The following IKZF2 variants were observed in gnomAD, a reference collection of about 807,000 sequenced individuals.
IKZF2 encodes the protein zinc finger protein Helios.
Under a neutral mutation model 49.2 loss-of-function variants are expected in IKZF2, and 15 were observed. The ratio of observed to expected loss-of-function variants is 0.30; its 90% CI spans 0.20 to 0.47. The LOEUF is 0.47. Among genes scored for constraint, IKZF2 ranks in the 20% least tolerant of loss-of-function variants. The probability of loss-of-function intolerance (pLI) is 1.00; values close to 1 mark genes in which losing one functional copy is unlikely to be tolerated. For synonymous variants in IKZF2, 227 were observed against 221.4 expected (o/e 1.03, Z -0.23); for missense variants, 567 against 664.6 (o/e 0.85, Z 1.61).
chr2:213,112,012 G>A (rs2059719459), intron 4 of IKZF2, among the ~76,000 whole-genome samples: 1 of 152,034 alleles, frequency 6.6e-6, no homozygotes, highest in African/African-American at 2.4e-5. Context: ...AGGACAAGAG[G>A]CCAAGCCTTA....
chr2:213,124,250 GCGCACACA>G (rs1388649267), intron 4 of IKZF2, among the ~76,000 whole-genome samples: 1,851 of 93,478 alleles, frequency 0.02, 26 homozygotes, highest in Middle Eastern at 0.03. Context: ...TCGCGCGCGC[GCGCACACA>G]CACACACACA....
intron 6 of IKZF2, among the ~76,000 whole-genome samples, chr2:213,043,454 G>A (rs1475675866): frequency 6.6e-6 from 1 of 151,974 alleles, no homozygotes. Context: ...TTATTACCTG[G>A]AGGAAAAAGG....
Position 213,007,991 on chromosome 2 carries a change from A to G in IKZF2, c.950T>C (p.Met317Thr), listed in dbSNP as rs1026787353. Reference sequence around the variant, plus strand: ...GATTGCATTGTTGATGGCTTGGTCCATCATATGAGACTGCATCAGCTCAGC... The same window carrying G: ...GATTGCATTGTTGATGGCTTGGTCCGTCATATGAGACTGCATCAGCTCAGC... Reference protein sequence around the residue: ...KEAELMQSHMMDQAINNAITY... With the variant: ...KEAELMQSHMTDQAINNAITY... The change falls in exon 9 of 9, where the codon ATG (methionine) becomes ACG (threonine). Residue 317 changes from methionine to threonine, a missense_variant. Transcript: ENST00000434687. 1 of 1,613,388 alleles carries G rather than the reference A, an allele frequency of 6.2e-7. No homozygotes were observed. The highest frequency in any genetic ancestry group is 1.3e-5 in the African/African-American group (1 of 74,862).
chr2:213,112,647 T>C (rs1285518336), intron 4 of IKZF2, among the ~76,000 whole-genome samples: 3 of 152,008 alleles, frequency 2.0e-5, no homozygotes, highest in Non-Finnish European at 2.9e-5. Context: ...TATTCTAACG[T>C]TTTCTATTCC....
chr2:213,102,898 G>T (rs541213550), intron 4 of IKZF2, among the ~76,000 whole-genome samples: 2 of 152,032 alleles, frequency 1.3e-5, no homozygotes, highest in Non-Finnish European at 2.9e-5. Context: ...GCCTTTCATT[G>T]TAAAAAGGTT....
intron 6 of IKZF2, among the ~76,000 whole-genome samples, chr2:213,033,023 G>A (rs1007349558): frequency 7.2e-5 from 11 of 152,098 alleles, no homozygotes; most frequent in African/African-American, 2.7e-4. Context: ...CTACTGCTTT[G>A]TCAACTAAGT....
chr2:213,125,960 G>A (rs1217361010), intron 4 of IKZF2, among the ~76,000 whole-genome samples: 1 of 152,156 alleles, frequency 6.6e-6, no homozygotes, highest in African/African-American at 2.4e-5. Flanking sequence ...ATTATGGAAA[G>A]ATAATTAAGG....
intron 8 of IKZF2, among the ~76,000 whole-genome samples, chr2:213,010,728 G>A (rs754516570): frequency 9.9e-5 from 15 of 152,082 alleles, no homozygotes; most frequent in Non-Finnish European, 1.8e-4. Flanking sequence ...TCTAAGAGAG[G>A]AGCCTAGCTG....
intron 4 of IKZF2, among the ~76,000 whole-genome samples, chr2:213,093,416 C>T (rs1297399260): frequency 6.6e-6 from 1 of 152,122 alleles, no homozygotes; most frequent in African/African-American, 2.4e-5. Context: ...ACAATGGTCT[C>T]TCATACTCTA....
intron 4 of IKZF2, among the ~76,000 whole-genome samples, chr2:213,131,617 C>A (rs1042926030): frequency 6.6e-6 from 1 of 152,096 alleles, no homozygotes; most frequent in African/African-American, 2.4e-5. Flanking sequence ...CCATGTGAAG[C>A]TTTTGAAGTC....
rs185927844 is a variant in IKZF2, at chr2:213,056,257, T to C, written c.406+576A>G. 1.8e-3 allele frequency among the ~76,000 whole-genome samples: 268 copies of C among 152,300 alleles called. 2 individuals are homozygous for C. The highest frequency in any genetic ancestry group is 3.2e-3 in the Non-Finnish European group (218 of 68,026). ...CAACCTACACACCAGCCACTATTTG[T>C]CATATTCAATCCTACATATATCCTT... is the stretch of plus-strand genomic sequence containing the variant. On this transcript the variant is annotated intron_variant, in intron 5 of 8. Coordinates refer to ENST00000434687, the MANE Select transcript of IKZF2 (RefSeq NM_001387220.1).
At chr2:213,046,490 T>C (rs528871951) in intron 6 of IKZF2, among the ~76,000 whole-genome samples, 21 of 152,312 alleles carry the variant, frequency 1.4e-4, no homozygotes, top group Admixed American at 1.2e-3. Flanking sequence ...GCTATGACTA[T>C]GGTGTTTACA....
At chr2:213,124,277 C>T (rs1475703296) in intron 4 of IKZF2, among the ~76,000 whole-genome samples, 1 of 146,682 alleles carries the variant, frequency 6.8e-6, no homozygotes, top group Non-Finnish European at 1.5e-5. Context: ...CACACACACA[C>T]ACACACACAC....
intron 4 of IKZF2, among the ~76,000 whole-genome samples, chr2:213,114,504 A>C (rs1362948193): frequency 6.6e-6 from 1 of 152,186 alleles, no homozygotes; most frequent in African/African-American, 2.4e-5. Context: ...ATGCCTTCCC[A>C]AAATAAAGTG....
intron 4 of IKZF2, among the ~76,000 whole-genome samples, chr2:213,085,009 TTACGCTG>T (rs1443924399): frequency 2.6e-5 from 4 of 152,212 alleles, no homozygotes; most frequent in Non-Finnish European, 5.9e-5. Context: ...GTCACTTCTA[TTACGCTG>T]TACGCTATGA....
At chr2:213,147,394 T>C in intron 4 of IKZF2, 1 of 537,308 alleles carries the variant, frequency 1.9e-6, no homozygotes, top group East Asian at 2.9e-5. Context: ...CCACATTTTT[T>C]ACCCAACAAC....
chr2:213,036,916 T>A (rs558924928), intron 6 of IKZF2, among the ~76,000 whole-genome samples: 1 of 152,048 alleles, frequency 6.6e-6, no homozygotes, highest in Non-Finnish European at 1.5e-5. Flanking sequence ...AAGGTTAGGT[T>A]AGAAAAAAAC....
At chr2:213,094,513 A>AC (rs534990883) in intron 4 of IKZF2, among the ~76,000 whole-genome samples, 22 of 151,684 alleles carry the variant, frequency 1.5e-4, no homozygotes, top group Non-Finnish European at 2.8e-4. Flanking sequence ...AGAATCTGAG[A>AC]CCCCCCTAGC....
At chr2:213,042,853 A>G (rs1197467555) in intron 6 of IKZF2, among the ~76,000 whole-genome samples, 1 of 151,986 alleles carries the variant, frequency 6.6e-6, no homozygotes, top group Admixed American at 6.5e-5. Flanking sequence ...TAAATAAAAA[A>G]ATAAATAACA....
Sources: allele counts gnomAD v4.1 joint callset (sites outside exome capture counted in the v4.1 genomes callset), GRCh38; gene constraint gnomAD v4.1.1; transcripts MANE v1.5; gene names NCBI Gene and HGNC (gene_info 2026-07-23, HGNC 2026-07-21).